The following ATG10 variants were observed in gnomAD, a reference collection of about 807,000 sequenced individuals.
ATG10 encodes autophagy related 10, also known as ubiquitin-like-conjugating enzyme ATG10.
Under a neutral mutation model 32.1 loss-of-function variants are expected in ATG10, and 30 were observed. The ratio of observed to expected loss-of-function variants is 0.94; its 90% CI spans 0.70 to 1.27. ATG10 has a LOEUF of 1.27. ATG10 is among the 50% of genes most tolerant of loss of function. ATG10 has a pLI of 0.00. For synonymous variants in ATG10, 87 were observed against 91.5 expected, an observed-to-expected ratio of 0.95 and a Z score of 0.28; for missense variants, 233 against 262.3, an observed-to-expected ratio of 0.89 and a Z score of 0.77.
chr5:82,113,462 T>C (rs540194198), intron 3 of ATG10, among the ~76,000 whole-genome samples: 58 of 152,116 alleles, frequency 3.8e-4, no homozygotes, highest in Non-Finnish European at 7.2e-4. Context: ...ATCCTGTTAA[T>C]AAAATTATCT....
At chr5:82,206,436 A>G (rs796904433) in intron 5 of ATG10, among the ~76,000 whole-genome samples, 17 of 152,200 alleles carry the variant, frequency 1.1e-4, no homozygotes, top group African/African-American at 3.9e-4. Flanking sequence ...TCACAAGGTC[A>G]GGAGATCAAG....
At chr5:82,164,257 G>C (rs894622214) in intron 3 of ATG10, 142 bp from the exon 4 acceptor site, 4 of 771,956 alleles carry the variant, frequency 5.2e-6, no homozygotes, top group Non-Finnish European at 8.3e-6. Flanking sequence ...ACATTAATAT[G>C]GGAAACTCCC....
chr5:82,024,642 T>C (rs1266256924), intron 2 of ATG10, among the ~76,000 whole-genome samples: 1 of 152,224 alleles, frequency 6.6e-6, no homozygotes, highest in Non-Finnish European at 1.5e-5. Context: ...TTGATTTTTG[T>C]CCCTTTGCCC....
At chr5:82,153,109 T>C (rs182297904) in intron 3 of ATG10, among the ~76,000 whole-genome samples, 2 of 152,348 alleles carry the variant, frequency 1.3e-5, no homozygotes, top group East Asian at 1.9e-4. Context: ...TGTATTCTTA[T>C]ATTCTTATAG....
At chr5:82,009,446 A>G (rs979273704) in intron 2 of ATG10, among the ~76,000 whole-genome samples, 4 of 152,064 alleles carry the variant, frequency 2.6e-5, no homozygotes, top group African/African-American at 9.7e-5. Context: ...CCAGCTAGGC[A>G]TGGGAGGGAA....
At chr5:82,077,524 A>AT (rs1191209706) in intron 3 of ATG10, among the ~76,000 whole-genome samples, 1 of 151,844 alleles carries the variant, frequency 6.6e-6, no homozygotes, top group East Asian at 1.9e-4. Context: ...TGTATTGCTT[A>AT]TTTTTTTGTA....
At chr5:82,012,008 A>G (rs893261098) in intron 2 of ATG10, among the ~76,000 whole-genome samples, 3 of 152,286 alleles carry the variant, frequency 2.0e-5, no homozygotes, top group East Asian at 1.9e-4. Context: ...AGAGATTGCT[A>G]CTTTTACTGA....
intron 3 of ATG10, among the ~76,000 whole-genome samples, chr5:82,083,721 G>A (rs556658252): frequency 1.3e-5 from 2 of 152,338 alleles, no homozygotes; most frequent in South Asian, 4.1e-4. Flanking sequence ...AGGGTCTGGA[G>A]TGGACCTCCA....
chr5:81,980,477 A>C (rs1450415982), intron 1 of ATG10, among the ~76,000 whole-genome samples: 1 of 152,038 alleles, frequency 6.6e-6, no homozygotes, highest in Non-Finnish European at 1.5e-5. Context: ...AGCTGGAGGA[A>C]TCTTCCTCTT....
chr5:82,252,160 A>G (rs1203157165), intron 5 of ATG10, among the ~76,000 whole-genome samples: 3 of 152,210 alleles, frequency 2.0e-5, no homozygotes. Flanking sequence ...GTCTCTTACC[A>G]TTGACAAAGA....
chr5:82,059,265 T>C (rs1471665917), intron 3 of ATG10, among the ~76,000 whole-genome samples: 1 of 152,154 alleles, frequency 6.6e-6, no homozygotes, highest in Admixed American at 6.6e-5. Flanking sequence ...AAATTGTATA[T>C]ACCCATTGTA....
intron 3 of ATG10, among the ~76,000 whole-genome samples, chr5:82,089,350 A>AG (rs892119851): frequency 6.6e-6 from 1 of 152,136 alleles, no homozygotes; most frequent in African/African-American, 2.4e-5. Context: ...CTCAAAAAAA[A>AG]AAAAGATTGC....
In ATG10 at chr5:82,139,630, G is replaced by A. The variant is rs771911667; in HGVS notation, c.217-24769G>A. ...GCAGCCACCCCATCTGGGAAGTGAG[G>A]AGCGTCTCCGCCCAGCAGCCACCCC... On this transcript the variant is annotated intron_variant, in intron 3 of 7. Transcript: ENST00000282185. Among the ~76,000 whole-genome samples, 3 of 135,256 alleles carry A rather than the reference G, an allele frequency of 2.2e-5. No homozygotes were observed. In the East Asian group the frequency reaches 6.5e-4, roughly 29 times the overall value. 88.7% of individuals were successfully genotyped at this position (135,256 alleles called of 152,430 possible).
chr5:82,183,633 GC>G (rs1744333988), intron 5 of ATG10, among the ~76,000 whole-genome samples: 1 of 152,126 alleles, frequency 6.6e-6, no homozygotes, highest in South Asian at 2.1e-4. Context: ...ATTAGTGATT[GC>G]AAGATGGTGA....
intron 3 of ATG10, among the ~76,000 whole-genome samples, chr5:82,156,418 G>A (rs10223311): frequency 0.013 from 2,053 of 152,172 alleles, 28 homozygotes; most frequent in African/African-American, 0.046. Context: ...CCAGGAATAC[G>A]TCTGTTTAAC....
chr5:82,235,516 A>G (rs929854727), intron 5 of ATG10, among the ~76,000 whole-genome samples: 1 of 152,228 alleles, frequency 6.6e-6, no homozygotes, highest in African/African-American at 2.4e-5. Flanking sequence ...AACAAACAAA[A>G]TAATTGTTTT....
chr5:82,073,171 A>G (rs1010009195), intron 3 of ATG10: 1 of 152,212 alleles, frequency 6.6e-6, no homozygotes, highest in African/African-American at 2.4e-5. Flanking sequence ...TACATTTTAC[A>G]TTAAGACCTA....
chr5:82,049,883 C>T (rs2149738794), intron 2 of ATG10, among the ~76,000 whole-genome samples: 1 of 152,134 alleles, frequency 6.6e-6, no homozygotes, highest in African/African-American at 2.4e-5. Context: ...TCTCAGTCTC[C>T]CTAGTGAACT....
At chr5:82,173,701 A>G (rs1173518456) in intron 4 of ATG10, among the ~76,000 whole-genome samples, 2 of 152,176 alleles carry the variant, frequency 1.3e-5, no homozygotes, top group Admixed American at 6.6e-5. Flanking sequence ...ATTTCTAAGC[A>G]TGTTAAAATT....
Sources: allele counts gnomAD v4.1 joint callset (sites outside exome capture counted in the v4.1 genomes callset), GRCh38; gene constraint gnomAD v4.1.1; transcripts MANE v1.5; gene names NCBI Gene and HGNC (gene_info 2026-07-23, HGNC 2026-07-21).